The following TMCC1 variants were observed in gnomAD, a reference collection of about 807,000 sequenced individuals.
TMCC1 encodes the protein transmembrane and coiled-coil domain family 1, also known as transmembrane and coiled-coil domains protein 1.
In TMCC1, 15 loss-of-function variants were observed where a neutral mutation model predicts 52.4. That is an observed-to-expected ratio of 0.29 (90% CI 0.19 to 0.44). The LOEUF (loss-of-function observed/expected upper bound fraction) is 0.44. Among genes scored for constraint, TMCC1 ranks in the 20% least tolerant of loss-of-function variants. The pLI is 1.00. For synonymous variants in TMCC1, 279 were observed against 301.9 expected (o/e 0.92, Z 0.79); for missense variants, 503 against 806.0 (o/e 0.62, Z 4.55).
intron 4 of TMCC1, among the ~76,000 whole-genome samples, chr3:129,720,362 C>T (rs2049472082): frequency 6.6e-6 from 1 of 152,152 alleles, no homozygotes; most frequent in African/African-American, 2.4e-5. Context: ...TCTGTCCTTT[C>T]TTGTTGCACT....
At chr3:129,760,773 G>A (rs759686558) in intron 4 of TMCC1, among the ~76,000 whole-genome samples, 4 of 149,004 alleles carry the variant, frequency 2.7e-5, no homozygotes, top group South Asian at 2.2e-4. Context: ...CACCGCACCC[G>A]GCTAATTTTT....
At chr3:129,798,522 TC>T (rs2056989845) in intron 4 of TMCC1, among the ~76,000 whole-genome samples, 1 of 56,976 alleles carries the variant, frequency 1.8e-5, no homozygotes, top group Non-Finnish European at 2.8e-5. Context: ...ATTCTTCCTA[TC>T]CAAAAAAAAA....
intron 4 of TMCC1, among the ~76,000 whole-genome samples, chr3:129,776,483 AAG>A (rs768371101): frequency 3.3e-5 from 5 of 152,236 alleles, no homozygotes; most frequent in Non-Finnish European, 7.3e-5. Context: ...GAGAGAATAA[AAG>A]AGGGCCTAAG....
intron 2 of TMCC1, chr3:129,866,889 T>C (rs893836785): frequency 5.5e-4 from 84 of 152,326 alleles, no homozygotes; most frequent in African/African-American, 2.0e-3. Flanking sequence ...TTGAAATACT[T>C]TTGAAAAACA....
chr3:129,784,497 C>T (rs1487158977), intron 4 of TMCC1, among the ~76,000 whole-genome samples: 2 of 151,226 alleles, frequency 1.3e-5, no homozygotes, highest in East Asian at 1.9e-4. Context: ...ACCTGGGAGA[C>T]GGAGCTTGCA....
intron 2 of TMCC1, among the ~76,000 whole-genome samples, chr3:129,841,124 A>AACTGGAGCAAAGGTC (rs1171098037): frequency 6.6e-6 from 1 of 152,196 alleles, no homozygotes; most frequent in East Asian, 1.9e-4. Flanking sequence ...ACTTATTGTG[A>AACTGGAGCAAAGGTC]ACTGGAGCAA....
At chr3:129,811,430 G>T (rs534508886) in intron 4 of TMCC1, among the ~76,000 whole-genome samples, 11 of 151,450 alleles carry the variant, frequency 7.3e-5, no homozygotes, top group African/African-American at 2.2e-4. Flanking sequence ...ACACCTGGCT[G>T]TTTTTTTTAA....
At chr3:129,832,660 T>A (rs1293461307) in intron 3 of TMCC1, 114 bp downstream of exon 3, 1 of 152,244 alleles carries the variant, frequency 6.6e-6, no homozygotes, top group Non-Finnish European at 1.5e-5. Flanking sequence ...TTTTTTTCCC[T>A]TAAGTTTTTC....
Position 129,651,901 on chromosome 3 carries a change from T to A in TMCC1, c.1648-106A>T, listed in dbSNP as rs2086352866. On this transcript the variant is annotated intron_variant, in intron 6 of 6. Coordinates refer to ENST00000393238, the MANE Select transcript of TMCC1 (RefSeq NM_001017395.5). The surrounding 1 kb of genome is among the most constrained non-coding windows in gnomAD (Gnocchi z 5.1). Reference sequence around the variant, plus strand: ...ATGCATCTTGAGCAATGCCAATGATTTTATAAATATGCTGGAGCCTTGAAT... The same window carrying A: ...ATGCATCTTGAGCAATGCCAATGATATTATAAATATGCTGGAGCCTTGAAT... 1.7e-6 allele frequency: 2 copies of A among 1,173,194 alleles called. No homozygotes were observed. The highest frequency in any genetic ancestry group is 3.1e-5 in the African/African-American group (2 of 63,872). 72.7% of individuals were successfully genotyped at this position (1,173,194 alleles called of 1,614,324 possible). A position where few individuals can be genotyped will look rare whatever the true frequency, so the allele number is the denominator to read the frequency against.
At chr3:129,672,380 T>C (rs2088025825) in intron 4 of TMCC1, among the ~76,000 whole-genome samples, 2 of 152,108 alleles carry the variant, frequency 1.3e-5, no homozygotes, top group African/African-American at 4.8e-5. Flanking sequence ...GAAGGATCAC[T>C]TGAGGCCAAG....
At chr3:129,652,369 A>C (rs73206240) in intron 6 of TMCC1, among the ~76,000 whole-genome samples, 21 of 152,368 alleles carry the variant, frequency 1.4e-4, no homozygotes, top group Non-Finnish European at 2.8e-4. Flanking sequence ...TGGACCCCAA[A>C]GAAACCTGAA....
At chr3:129,739,868 G>A (rs1194879805) in intron 4 of TMCC1, among the ~76,000 whole-genome samples, 1 of 152,234 alleles carries the variant, frequency 6.6e-6, no homozygotes, top group Non-Finnish European at 1.5e-5. Context: ...TCTGATTTCA[G>A]ATTCCCTGAT....
chr3:129,675,986 G>A (rs1051529233), intron 4 of TMCC1, among the ~76,000 whole-genome samples: 5 of 142,974 alleles, frequency 3.5e-5, no homozygotes, highest in African/African-American at 1.4e-4. Flanking sequence ...GCAGTGAGCC[G>A]AGATCGCGCC....
At chr3:129,671,380 C>T in intron 4 of TMCC1, 116 bp from the exon 5 acceptor site, 2 of 1,099,030 alleles carry the variant, frequency 1.8e-6, no homozygotes, top group Non-Finnish European at 2.5e-6. Context: ...GATAACTGAC[C>T]TATAATTCCC....
chr3:129,828,415 A>G lies in TMCC1; in HGVS notation c.-37T>C. The G allele has an allele frequency of 6.3e-7, 1 of 1,583,022 alleles. No individual in the cohort carries two copies. Among genetic ancestry groups the G allele is most frequent in the Non-Finnish European group, 8.6e-7 (1 of 1,164,552 alleles). On this transcript the variant is annotated 5_prime_UTR_variant, in exon 4 of 7. Coordinates refer to ENST00000393238, the MANE Select transcript of TMCC1 (RefSeq NM_001017395.5). This position sits in a 1 kb window ranked among gnomAD's most constrained non-coding sequence, Gnocchi z 4.1. ...ATATGCTTATTTGCAAACTCAAAAA[A>G]ATTTTTTAAACACACCAAGAGTGTC...
In TMCC1 at chr3:129,832,767, T is replaced by C. The variant is rs1440178469; in HGVS notation, c.-131+7A>G. ...ATTTCACTGACTACAAAGAGTTGGA[T>C]ACTTGCCTTCATCACTCTTCCTTAA... On this transcript the variant is annotated splice_region_variant and intron_variant, in intron 3 of 6. Coordinates refer to ENST00000393238, the MANE Select transcript of TMCC1 (RefSeq NM_001017395.5). 2 of 152,254 alleles carry C rather than the reference T, an allele frequency of 1.3e-5. No individual in the cohort carries two copies. Among genetic ancestry groups the C allele is most frequent in the African/African-American group, 2.4e-5 (1 of 41,466 alleles). The allele number at this position is 152,254 out of a possible 1,614,324, so 9.4% of individuals were successfully genotyped here.
At chr3:129,657,963 C>T (rs1016255257) in intron 5 of TMCC1, among the ~76,000 whole-genome samples, 10 of 152,214 alleles carry the variant, frequency 6.6e-5, no homozygotes, top group African/African-American at 2.4e-4. Context: ...AATGTTCACA[C>T]CAGCATTAAT....
chr3:129,759,268 C>CTTT (rs1391292529), intron 4 of TMCC1, among the ~76,000 whole-genome samples: 1 of 139,894 alleles, frequency 7.1e-6, no homozygotes, highest in African/African-American at 2.6e-5. Flanking sequence ...TAATTCATGA[C>CTTT]TTTTTTTTTT....
intron 2 of TMCC1, among the ~76,000 whole-genome samples, chr3:129,873,363 C>G (rs2061024995): frequency 6.7e-6 from 1 of 149,912 alleles, no homozygotes; most frequent in Non-Finnish European, 1.5e-5. Context: ...ACATGAAACA[C>G]TATGCAGCTG....
Sources: gnomAD v4.1 joint callset for allele counts (sites outside exome capture counted in the v4.1 genomes callset) on GRCh38, gnomAD v4.1.1 for gene constraint, Gnocchi (gnomAD v3.1) non-coding constraint, MANE v1.5 for transcripts, NCBI Gene and HGNC (gene_info 2026-07-23, HGNC 2026-07-21) for gene names.